The following CEP126 variants were observed in gnomAD, a reference collection of about 807,000 sequenced individuals.
The protein encoded by CEP126 is centrosomal protein of 126 kDa.
Under a neutral mutation model 107.8 loss-of-function variants are expected in CEP126, and 74 were observed. The ratio of observed to expected loss-of-function variants is 0.69; its 90% CI spans 0.57 to 0.83. The LOEUF (loss-of-function observed/expected upper bound fraction) is 0.83, where lower values mean the gene tolerates loss of function less well. Ranked by LOEUF, CEP126 falls within the 40% of genes least tolerant of loss-of-function variation. The probability of loss-of-function intolerance (pLI) is 0.00; values close to 1 mark genes in which losing one functional copy is unlikely to be tolerated. For missense variants in CEP126, 1,237 were observed against 1,281.9 expected (o/e 0.96, Z 0.53); for synonymous variants, 449 against 446.0 (o/e 1.01, Z -0.08).
chr11:101,994,831 TG>T (rs1941423540), intron 10 of CEP126, among the ~76,000 whole-genome samples: 1 of 152,070 alleles, frequency 6.6e-6, no homozygotes, highest in Non-Finnish European at 1.5e-5. Flanking sequence ...TGCTAAGAAG[TG>T]TACATCGGTA....
intron 4 of CEP126, among the ~76,000 whole-genome samples, chr11:101,953,967 G>GT (rs998692441): frequency 1.4e-4 from 21 of 148,324 alleles, no homozygotes; most frequent in South Asian, 2.1e-4. Flanking sequence ...TCACTTTCAG[G>GT]TTTTTTTTTT....
chr11:101,926,526 T>G (rs1386365713), intron 2 of CEP126, among the ~76,000 whole-genome samples: 2 of 152,218 alleles, frequency 1.3e-5, no homozygotes, highest in Non-Finnish European at 1.5e-5. Flanking sequence ...ATCAGATTTA[T>G]ATTTTAGCTC....
chr11:101,977,916 AT>A, intron 6 of CEP126, among the ~76,000 whole-genome samples: 1 of 152,202 alleles, frequency 6.6e-6, no homozygotes, highest in East Asian at 1.9e-4. Context: ...TTCTTTTAAG[AT>A]AACTGAGTTT....
Position 101,978,448 on chromosome 11 carries a change from G to A in CEP126, c.2947G>A (p.Glu983Lys). Residue 983 changes from glutamate (E) to lysine (K), a missense_variant, in exon 7 of 11, where the codon GAG becomes AAG. By Grantham distance (56) the Glu-to-Lys change is moderately conservative. Transcript: ENST00000263468. Reference protein sequence around the residue: ...NPGSVGQKYSEQINNFGQSVL... With the variant: ...NPGSVGQKYSKQINNFGQSVL... ...TGGATCTGTAGGACAGAAGTACAGT[G>A]AGCAAATTAATGTAAGTATGGTATT... 1 of 1,594,740 alleles carries A rather than the reference G, an allele frequency of 6.3e-7. No individual in the cohort carries two copies. Among genetic ancestry groups the A allele is most frequent in the Middle Eastern group, 1.7e-4 (1 of 6,006 alleles).
At chr11:101,978,226 C>T (rs893102303) in intron 6 of CEP126, 121 bp from the exon 7 acceptor site, 1 of 689,796 alleles carries the variant, frequency 1.4e-6, no homozygotes, top group African/African-American at 1.8e-5. Flanking sequence ...AGCATGCTAA[C>T]TGAATGAATT....
At chr11:101,988,989 A>G (rs904437032) in intron 9 of CEP126, among the ~76,000 whole-genome samples, 12 of 152,172 alleles carry the variant, frequency 7.9e-5, no homozygotes, top group Non-Finnish European at 1.2e-4. Context: ...AAAATTGACT[A>G]TGATTAACAA....
intron 2 of CEP126, among the ~76,000 whole-genome samples, chr11:101,926,631 A>G (rs772120702): frequency 3.9e-5 from 6 of 152,226 alleles, no homozygotes; most frequent in Non-Finnish European, 1.5e-5. Flanking sequence ...GAAGATGGCT[A>G]TGGAGGTGGA....
chr11:101,920,564 A>T (rs1350034646), intron 1 of CEP126, among the ~76,000 whole-genome samples: 1 of 152,008 alleles, frequency 6.6e-6, no homozygotes, highest in Non-Finnish European at 1.5e-5. Context: ...TCTACATCTA[A>T]TGATGAGGTA....
chr11:101,930,347 G>A (rs751719952), intron 2 of CEP126, among the ~76,000 whole-genome samples: 5 of 152,118 alleles, frequency 3.3e-5, no homozygotes, highest in Non-Finnish European at 7.4e-5. Context: ...CTAATACAGT[G>A]TAAATGTTAT....
intron 6 of CEP126, among the ~76,000 whole-genome samples, chr11:101,977,720 T>C (rs542669744): frequency 1.3e-5 from 2 of 151,454 alleles, no homozygotes; most frequent in Admixed American, 6.6e-5. Flanking sequence ...ATCAAAGATA[T>C]AGTAGAAGCC....
intron 2 of CEP126, among the ~76,000 whole-genome samples, chr11:101,940,625 T>G (rs544144918): frequency 2.0e-5 from 3 of 152,234 alleles, no homozygotes; most frequent in Admixed American, 6.5e-5. Context: ...AAGATTCCAC[T>G]TCGTTGGACA....
chr11:101,969,572 A>G (rs964090888), intron 6 of CEP126, among the ~76,000 whole-genome samples: 8 of 152,226 alleles, frequency 5.3e-5, no homozygotes, highest in African/African-American at 1.9e-4. Flanking sequence ...TAATCCGTAA[A>G]TGTAGTATAA....
chr11:101,992,721 C>T (rs1331801077), intron 9 of CEP126, 57 bp from the exon 10 acceptor site: 1 of 943,828 alleles, frequency 1.1e-6, no homozygotes, highest in African/African-American at 1.8e-5. Flanking sequence ...TTTAGTCATT[C>T]TTCTATTTCT....
intron 4 of CEP126, among the ~76,000 whole-genome samples, chr11:101,953,493 A>G (rs1057484035): frequency 1.3e-5 from 2 of 152,206 alleles, no homozygotes; most frequent in Admixed American, 1.3e-4. Flanking sequence ...ATAAGAAAAA[A>G]AGAAAGCCAC....
At chr11:101,918,084 C>T (rs773013849) in intron 1 of CEP126, among the ~76,000 whole-genome samples, 4 of 152,136 alleles carry the variant, frequency 2.6e-5, no homozygotes, top group Non-Finnish European at 5.9e-5. Context: ...AACACACACA[C>T]TCCCACCCAC....
intron 2 of CEP126, among the ~76,000 whole-genome samples, chr11:101,924,314 C>T (rs1202279646): frequency 6.6e-6 from 1 of 152,156 alleles, no homozygotes; most frequent in African/African-American, 2.4e-5. Context: ...CAGAAGCTGT[C>T]TATGATTATG....
chr11:101,964,860 C>T (rs2137114992), intron 6 of CEP126, among the ~76,000 whole-genome samples: 1 of 152,152 alleles, frequency 6.6e-6, no homozygotes, highest in Non-Finnish European at 1.5e-5. Flanking sequence ...AAAGTAAGCA[C>T]AGTGAAAAAT....
intron 4 of CEP126, among the ~76,000 whole-genome samples, chr11:101,957,466 A>T (rs1940914251): frequency 6.6e-6 from 1 of 152,206 alleles, no homozygotes. Context: ...GAAGATACAA[A>T]ATTCTAATAG....
intron 4 of CEP126, chr11:101,956,098 A>T: frequency 2.2e-6 from 1 of 456,580 alleles, no homozygotes; most frequent in Non-Finnish European, 4.4e-6. Flanking sequence ...CTTCTTGCCC[A>T]CCTGGCCATC....
Sources: gnomAD v4.1 joint callset for allele counts (sites outside exome capture counted in the v4.1 genomes callset) on GRCh38, gnomAD v4.1.1 for gene constraint, MANE v1.5 for transcripts, NCBI Gene and HGNC (gene_info 2026-07-23, HGNC 2026-07-21) for gene names.